The following EBF2 variants were observed in gnomAD, a reference collection of about 807,000 sequenced individuals.
EBF2 encodes EBF transcription factor 2.
In EBF2, 21 loss-of-function variants were observed where a neutral mutation model predicts 72.8. The observed-to-expected ratio is 0.29, with a 90% CI of 0.20 to 0.42. The LOEUF (loss-of-function observed/expected upper bound fraction) is 0.42. Ranked by LOEUF, EBF2 falls within the 10% of genes least tolerant of loss-of-function variation. The pLI is 1.00. For synonymous variants in EBF2, 299 were observed against 274.2 expected, an observed-to-expected ratio of 1.09 and a Z score of -0.89; for missense variants, 637 against 731.2, an observed-to-expected ratio of 0.87 and a Z score of 1.49.
intron 15 of EBF2, among the ~76,000 whole-genome samples, chr8:25,848,858 G>A (rs1252472492): frequency 3.3e-5 from 5 of 152,136 alleles, no homozygotes; most frequent in African/African-American, 4.8e-5. Context: ...GGTTAAGGTC[G>A]ATGAATAAAA....
intron 6 of EBF2, among the ~76,000 whole-genome samples, chr8:25,951,057 G>C (rs1803851077): frequency 1.3e-5 from 2 of 152,102 alleles, no homozygotes; most frequent in African/African-American, 4.8e-5. Context: ...CTCAAAAATA[G>C]ATGCTGCTTC....
At chr8:25,998,712 A>C (rs1479111958) in intron 6 of EBF2, among the ~76,000 whole-genome samples, 2 of 152,200 alleles carry the variant, frequency 1.3e-5, no homozygotes, top group African/African-American at 4.8e-5. Flanking sequence ...AAACTCAGAT[A>C]ATGATGTTTA....
chr8:25,914,410 G>A (rs143267964), intron 6 of EBF2, among the ~76,000 whole-genome samples: 39 of 152,316 alleles, frequency 2.6e-4, no homozygotes, highest in African/African-American at 7.7e-4. Context: ...CCCAGCCTTG[G>A]CCTGGAGATG....
chr8:25,968,072 G>A (rs1329790217), intron 6 of EBF2, among the ~76,000 whole-genome samples: 1 of 152,008 alleles, frequency 6.6e-6, no homozygotes, highest in African/African-American at 2.4e-5. Context: ...CCAAAGTATA[G>A]GCTGTAGTCA....
At chr8:25,986,811 G>C (rs980421776) in intron 6 of EBF2, among the ~76,000 whole-genome samples, 2 of 152,188 alleles carry the variant, frequency 1.3e-5, no homozygotes, top group Middle Eastern at 3.2e-3. Context: ...TAAGAATAGA[G>C]TTGATTGTAA....
intron 6 of EBF2, among the ~76,000 whole-genome samples, chr8:25,950,736 T>C (rs1803847042): frequency 6.6e-6 from 1 of 152,220 alleles, no homozygotes. Flanking sequence ...ACCATGATCT[T>C]TGGGTTTGGG....
At chr8:25,966,579 G>A (rs953409847) in intron 6 of EBF2, among the ~76,000 whole-genome samples, 11 of 152,234 alleles carry the variant, frequency 7.2e-5, no homozygotes, top group Admixed American at 2.0e-4. Flanking sequence ...ATAAAGTATA[G>A]GACAGAGGTT....
At chr8:25,989,299 G>A (rs1352145046) in intron 6 of EBF2, among the ~76,000 whole-genome samples, 5 of 152,158 alleles carry the variant, frequency 3.3e-5, no homozygotes, top group Non-Finnish European at 7.3e-5. Flanking sequence ...TCATAGGATG[G>A]GCCAATGCCA....
chr8:25,878,477 T>A (rs1022075913), intron 10 of EBF2, among the ~76,000 whole-genome samples: 2 of 152,164 alleles, frequency 1.3e-5, no homozygotes, highest in Non-Finnish European at 2.9e-5. Flanking sequence ...TGGAAGCCAC[T>A]GATAGTGGAT....
In EBF2 at chr8:26,026,296, G is replaced by A. The variant is rs183847048; in HGVS notation, c.551+6789C>T. On this transcript the variant is annotated intron_variant, in intron 6 of 15. Transcript: ENST00000520164. ...AGAAGACATATATATTAATAACTCC[G>A]GTAAATTATTGAGGAGCAGGGATGA... Among the ~76,000 whole-genome samples, 68 of 152,176 alleles carry A rather than the reference G, an allele frequency of 4.5e-4. No homozygotes were observed. The East Asian group carries it at 7.9e-3, about 18-fold the overall frequency.
At chr8:25,925,583 C>T (rs1056598301) in intron 6 of EBF2, among the ~76,000 whole-genome samples, 7 of 152,194 alleles carry the variant, frequency 4.6e-5, no homozygotes, top group Non-Finnish European at 1.0e-4. Flanking sequence ...GAATGCACTT[C>T]GGCTGCCTTT....
intron 14 of EBF2, 144 bp downstream of exon 14, chr8:25,858,175 G>A: frequency 9.7e-7 from 1 of 1,031,258 alleles, no homozygotes; most frequent in South Asian, 1.4e-5. Context: ...AGAACGAAAG[G>A]CAGGAAGGAT....
Position 26,036,600 on chromosome 8 carries a change from T to C in EBF2, c.482+3428A>G, listed in dbSNP as rs554612172. Among the ~76,000 whole-genome samples the C allele has an allele frequency of 6.1e-3, 931 of 152,312 alleles. 5 individuals carry two copies. Among genetic ancestry groups the C allele is most frequent in the African/African-American group, 0.021 (876 of 41,552 alleles). The stretch of plus-strand genomic sequence containing the variant: ...AATATGTTCTAGTCGTTCTTTGTTT[T>C]TAACGGCATTCAGTCCTCCTGCCAG... On this transcript the variant is annotated intron_variant, in intron 5 of 15. Coordinates refer to ENST00000520164, the MANE Select transcript of EBF2 (RefSeq NM_022659.4).
At chr8:25,980,245 A>C (rs2117198313) in intron 6 of EBF2, among the ~76,000 whole-genome samples, 1 of 152,098 alleles carries the variant, frequency 6.6e-6, no homozygotes, top group African/African-American at 2.4e-5. Context: ...TTGTTTCTTG[A>C]CCTGAATATC....
chr8:25,884,763 A>T (rs7822766), intron 10 of EBF2, among the ~76,000 whole-genome samples: 86,793 of 151,942 alleles, frequency 0.57, 27,529 homozygotes, highest in African/African-American at 0.86. Flanking sequence ...CTCCCATAGA[A>T]CCACAGAAAA....
At chr8:25,854,299 T>C (rs1246403290) in intron 14 of EBF2, among the ~76,000 whole-genome samples, 1 of 151,328 alleles carries the variant, frequency 6.6e-6, no homozygotes, top group East Asian at 1.9e-4. Flanking sequence ...CACTTGGTGA[T>C]TGTAGTCAAC....
rs769113717 is a variant in EBF2, at chr8:26,040,687, G to A, written c.353-16C>T. The A allele has an allele frequency of 3.2e-6, 5 of 1,553,928 alleles. No homozygotes were observed. Among genetic ancestry groups the A allele is most frequent in the South Asian group, 1.2e-5 (1 of 84,208 alleles). ...GTGCGGACACCTGCGGGGACCGGAG[G>A]GGCACGAGTCAAGGGCCGTAGAGCC... On this transcript the variant is annotated splice_polypyrimidine_tract_variant and intron_variant, in intron 3 of 15. Transcript: ENST00000520164.
At chr8:26,009,666 C>T (rs565041297) in intron 6 of EBF2, among the ~76,000 whole-genome samples, 2 of 152,254 alleles carry the variant, frequency 1.3e-5, no homozygotes, top group South Asian at 4.1e-4. Flanking sequence ...GTGGTATCTA[C>T]TACATTATAG....
chr8:25,982,338 G>A (rs775019156), intron 6 of EBF2, among the ~76,000 whole-genome samples: 5 of 152,212 alleles, frequency 3.3e-5, no homozygotes, highest in Non-Finnish European at 7.3e-5. Context: ...CAGAATGCTG[G>A]CTGGGTGGGA....
Sources: allele counts gnomAD v4.1 joint callset (sites outside exome capture counted in the v4.1 genomes callset), GRCh38; gene constraint gnomAD v4.1.1; transcripts MANE v1.5; gene names NCBI Gene and HGNC (gene_info 2026-07-23, HGNC 2026-07-21).